BLTP3B: variants seen among roughly 807,000 people sequenced by gnomAD.
BLTP3B encodes the protein bridge-like lipid transfer protein family member 3B.
At chr12:100,058,067 G>C in the BLTP3B span, 2 of 1,589,138 alleles carry the variant, frequency 1.3e-6, no homozygotes, top group Non-Finnish European at 1.7e-6. Flanking sequence ...TAACTGGGGG[G>C]GTCTCTTCTT....
the BLTP3B span, chr12:100,108,326 A>G: frequency 1.3e-6 from 2 of 1,544,818 alleles, no homozygotes; most frequent in African/African-American, 1.4e-5. Flanking sequence ...GAGCCAAAAT[A>G]TAGAAGGAAA....
chr12:100,042,348 G>T, the BLTP3B span, among the ~76,000 whole-genome samples: 2 of 151,918 alleles, frequency 1.3e-5, no homozygotes, highest in Non-Finnish European at 2.9e-5. Flanking sequence ...GTACAATAAA[G>T]TTGGACGACT....
chr12:100,071,082 G>T, the BLTP3B span, among the ~76,000 whole-genome samples: 1 of 152,052 alleles, frequency 6.6e-6, no homozygotes, highest in Non-Finnish European at 1.5e-5. Flanking sequence ...TTAAAGAAAG[G>T]ACATAAAACT....
At chr12:100,124,917 G>A in the BLTP3B span, among the ~76,000 whole-genome samples, 3 of 87,276 alleles carry the variant, frequency 3.4e-5, no homozygotes, top group Admixed American at 1.6e-4. Context: ...GTGAGACCCT[G>A]CCTTAAAAAA....
the BLTP3B span, among the ~76,000 whole-genome samples, chr12:100,057,291 T>C: frequency 6.6e-6 from 1 of 152,246 alleles, no homozygotes; most frequent in Admixed American, 6.5e-5. Flanking sequence ...GAACAACCAT[T>C]AGAGGAAAGT....
chr12:100,084,318 A>AC, the BLTP3B span, among the ~76,000 whole-genome samples: 1 of 151,640 alleles, frequency 6.6e-6, no homozygotes, highest in Non-Finnish European at 1.5e-5. Flanking sequence ...ACATAGCAAG[A>AC]CCCCCATCTC....
the BLTP3B span, among the ~76,000 whole-genome samples, chr12:100,044,266 T>C: frequency 6.6e-6 from 1 of 152,172 alleles, no homozygotes; most frequent in Non-Finnish European, 1.5e-5. Flanking sequence ...CTGTCTCCAG[T>C]TGTTCCCAAA....
At chr12:100,075,187 T>G in the BLTP3B span, among the ~76,000 whole-genome samples, 1 of 151,988 alleles carries the variant, frequency 6.6e-6, no homozygotes, top group Non-Finnish European at 1.5e-5. Flanking sequence ...AAGTTTTGTA[T>G]TTTTAGTAGA....
chr12:100,083,309 G>A, the BLTP3B span, among the ~76,000 whole-genome samples: 1 of 152,064 alleles, frequency 6.6e-6, no homozygotes, highest in African/African-American at 2.4e-5. Context: ...TTATTGTGAT[G>A]ATTATTCTTT....
chr12:100,118,933 C>G, the BLTP3B span, among the ~76,000 whole-genome samples: 3 of 152,052 alleles, frequency 2.0e-5, no homozygotes, highest in Non-Finnish European at 4.4e-5. Context: ...AAAACTCTGT[C>G]TTTACTAAAA....
At chr12:100,086,635 T>C in the BLTP3B span, among the ~76,000 whole-genome samples, 2 of 152,212 alleles carry the variant, frequency 1.3e-5, no homozygotes, top group African/African-American at 2.4e-5. Context: ...AACTTTTATA[T>C]TGACAAGGCC....
the BLTP3B span, among the ~76,000 whole-genome samples, chr12:100,138,061 T>C: frequency 6.6e-6 from 1 of 152,178 alleles, no homozygotes; most frequent in Non-Finnish European, 1.5e-5. Flanking sequence ...CAGGAGTAAT[T>C]TTGCCTCCTA....
At chr12:100,121,728 C>T in the BLTP3B span, among the ~76,000 whole-genome samples, 1 of 151,606 alleles carries the variant, frequency 6.6e-6, no homozygotes, top group Non-Finnish European at 1.5e-5. Context: ...ACTTGGGAAG[C>T]TGAGGCAGGA....
the BLTP3B span, among the ~76,000 whole-genome samples, chr12:100,073,875 CAGTA>C: frequency 8.5e-5 from 13 of 152,054 alleles, no homozygotes; most frequent in Admixed American, 8.5e-4. Flanking sequence ...TACCTCAAAA[CAGTA>C]AGAGTAATCT....
the BLTP3B span, among the ~76,000 whole-genome samples, chr12:100,046,343 T>C: frequency 6.6e-6 from 1 of 152,046 alleles, no homozygotes; most frequent in Non-Finnish European, 1.5e-5. Flanking sequence ...CCATTAATAA[T>C]AGACTGGATA....
At chr12:100,092,629 G>C in the BLTP3B span, 2 of 152,582 alleles carry the variant, frequency 1.3e-5, no homozygotes, top group South Asian at 4.1e-4. Flanking sequence ...CTTGTTACTA[G>C]TTTCCTAATA....
At chr12:100,082,552 T>G in the BLTP3B span, among the ~76,000 whole-genome samples, 1 of 152,248 alleles carries the variant, frequency 6.6e-6, no homozygotes, top group Non-Finnish European at 1.5e-5. Context: ...TCATTTCATC[T>G]TGAGTTAATT....
At chr12:100,116,683 C>A in the BLTP3B span, among the ~76,000 whole-genome samples, 1 of 152,088 alleles carries the variant, frequency 6.6e-6, no homozygotes, top group South Asian at 2.1e-4. Context: ...AAGACAGGGA[C>A]AAGGCAAGGG....
At chr12:100,065,570 A>C in the BLTP3B span, among the ~76,000 whole-genome samples, 2 of 152,156 alleles carry the variant, frequency 1.3e-5, no homozygotes, top group Admixed American at 6.5e-5. Flanking sequence ...GGTTGAGATA[A>C]GGACTGAAAT....
Sources: gnomAD v4.1 joint callset for allele counts (sites outside exome capture counted in the v4.1 genomes callset) on GRCh38, gnomAD v4.1.1 for gene constraint, MANE v1.5 for transcripts, NCBI Gene and HGNC (gene_info 2026-07-23, HGNC 2026-07-21) for gene names.